Variants in SDR42E2 observed in about 807,000 individuals in gnomAD.
The protein encoded by SDR42E2 is short chain dehydrogenase/reductase family 42E, member 2, also known as putative short-chain dehydrogenase/reductase family 42E member 2.
SDR42E2 carries 20 observed loss-of-function variants against 10.5 expected under a neutral mutation model. The ratio of observed to expected loss-of-function variants is 1.90; its 90% CI spans 1.34 to 2.77. The LOEUF is 2.77. Ranked by LOEUF, SDR42E2 falls within the 30% of genes most tolerant of loss-of-function variation. SDR42E2 has a pLI of 0.00. For synonymous variants in SDR42E2, 72 were observed against 39.2 expected, an observed-to-expected ratio of 1.84 and a Z score of -3.12; for missense variants, 162 against 104.2, an observed-to-expected ratio of 1.55 and a Z score of -2.42.
intron 2 of SDR42E2, among the ~76,000 whole-genome samples, chr16:22,165,959 T>C (rs1322757216): frequency 6.7e-6 from 1 of 148,578 alleles, no homozygotes; most frequent in Admixed American, 6.7e-5. Context: ...GCTGGGTCCG[T>C]ACCTGGGCCA....
rs1290154764 is a variant in SDR42E2, at chr16:22,190,724, G to T, written c.*331G>T. On this transcript the variant is annotated 3_prime_UTR_variant, in exon 13 of 13. Transcript: ENST00000602312. ...CCACGTCCCTGGTCGGCCCAGACGC[G>T]TAGCCCCGAGTCTCTTTCCATGTTT... is the stretch of plus-strand genomic sequence containing the variant. 6.8e-6 allele frequency: 2 copies of T among 292,834 alleles called. No individual in the cohort carries two copies. Among genetic ancestry groups the T allele is most frequent in the Non-Finnish European group, 1.2e-5 (2 of 160,422 alleles). 18.1% of individuals were successfully genotyped at this position (292,834 alleles called of 1,614,324 possible). A position where few individuals can be genotyped will look rare whatever the true frequency, so the allele number is the denominator to read the frequency against.
At chr16:22,174,813 A>G (rs887363189) in intron 7 of SDR42E2, among the ~76,000 whole-genome samples, 28 of 152,152 alleles carry the variant, frequency 1.8e-4, no homozygotes, top group African/African-American at 6.3e-4. Flanking sequence ...TAGCTGTTCA[A>G]TGCCCCGCCT....
intron 2 of SDR42E2, among the ~76,000 whole-genome samples, chr16:22,165,886 G>C (rs112574514): frequency 6.6e-6 from 1 of 151,980 alleles, no homozygotes; most frequent in Non-Finnish European, 1.5e-5. Flanking sequence ...AGCTGGGTCC[G>C]TACCTGGTCT....
Position 22,170,848 on chromosome 16 carries a change from G to A in SDR42E2, c.410G>A (p.Arg137Gln), listed in dbSNP as rs1368188669. ...GCTGCTGCAGTCTGTGTTCGCCGGCGGGTTCCAAGGCTCATCTATACCAGC... is the reference window on the plus strand; with the variant it reads ...GCTGCTGCAGTCTGTGTTCGCCGGCAGGTTCCAAGGCTCATCTATACCAGC... ...KLVIDVCVRRRVPRLIYTSTV... is the reference protein window; with the variant it reads ...KLVIDVCVRRQVPRLIYTSTV... The change falls in exon 6 of 13, where the codon CGG (arginine) becomes CAG (glutamine). Residue 137 changes from arginine to glutamine, a missense_variant. Physicochemically the swap from Arg to Gln is conservative, Grantham distance 43 (BLOSUM62 1). Transcript: ENST00000602312. 2.6e-5 allele frequency: 18 copies of A among 702,836 alleles called. No individual in the cohort carries two copies. Among genetic ancestry groups the A allele is most frequent in the Admixed American group, 6.0e-5 (3 of 49,972 alleles). The allele number at this position is 702,836 out of a possible 1,614,324, so 43.5% of individuals were successfully genotyped here.
At chr16:22,169,099 A>G (rs2046570881) in intron 4 of SDR42E2, among the ~76,000 whole-genome samples, 1 of 152,110 alleles carries the variant, frequency 6.6e-6, no homozygotes, top group African/African-American at 2.4e-5. Flanking sequence ...AGGCTTTGAG[A>G]GTAGGAAAAT....
chr16:22,187,148 A>T (rs138202366), intron 12 of SDR42E2, among the ~76,000 whole-genome samples: 4 of 152,134 alleles, frequency 2.6e-5, no homozygotes, highest in Admixed American at 6.5e-5. Context: ...TACCAATCCC[A>T]CCAACTCTCA....
chr16:22,184,665 G>A (rs1487588923), intron 11 of SDR42E2, among the ~76,000 whole-genome samples: 1 of 152,156 alleles, frequency 6.6e-6, no homozygotes, highest in Non-Finnish European at 1.5e-5. Flanking sequence ...AGGACAGTGA[G>A]GCACTGTGGT....
intron 5 of SDR42E2, among the ~76,000 whole-genome samples, chr16:22,170,178 G>C (rs1328591205): frequency 6.6e-6 from 1 of 151,536 alleles, no homozygotes; most frequent in Non-Finnish European, 1.5e-5. Context: ...AACACGAAGA[G>C]ATCCCATCTC....
At position 22,170,840 on chromosome 16, in the gene SDR42E2, T is replaced by C. The variant is rs1598132615; in HGVS notation, c.402T>C (p.Val134=). ...GGTKLVIDVC[V]RRRVPRLIYT... ...GTGCACCTGCTGCTGCAGTCTGTGT[T>C]CGCCGGCGGGTTCCAAGGCTCATCT... is the stretch of plus-strand genomic sequence containing the variant. Residue 134 remains valine, a synonymous_variant, in exon 6 of 13, where the codon GTT becomes GTC. Coordinates refer to ENST00000602312, the MANE Select transcript of SDR42E2 (RefSeq NM_001394319.2). 2 of 703,008 alleles carry C rather than the reference T, an allele frequency of 2.8e-6. No homozygotes were observed. The highest frequency in any genetic ancestry group is 2.7e-5 in the East Asian group (1 of 37,296). The allele number at this position is 703,008 out of a possible 1,614,324, so 43.5% of individuals were successfully genotyped here.
intron 6 of SDR42E2, among the ~76,000 whole-genome samples, chr16:22,171,282 C>T (rs1431799433): frequency 2.0e-5 from 3 of 152,148 alleles, no homozygotes; most frequent in Non-Finnish European, 4.4e-5. Context: ...CACCCTGTCC[C>T]CAGGCTGGAG....
intron 3 of SDR42E2, 32 bp from the exon 4 acceptor site, chr16:22,166,872 C>T (rs2046545030): frequency 3.2e-6 from 2 of 621,262 alleles, no homozygotes; most frequent in African/African-American, 3.6e-5. Flanking sequence ...GACTTGAACC[C>T]CCTGCCCTCA....
intron 3 of SDR42E2, 30 bp from the exon 4 acceptor site, chr16:22,166,874 C>T (rs2142059262): frequency 1.6e-6 from 1 of 624,014 alleles, no homozygotes; most frequent in South Asian, 1.7e-5. Flanking sequence ...CTTGAACCCC[C>T]TGCCCTCATC....
intron 8 of SDR42E2, 67 bp from the exon 9 acceptor site, chr16:22,181,452 A>G: frequency 1.4e-6 from 1 of 700,694 alleles, no homozygotes; most frequent in South Asian, 1.5e-5. Flanking sequence ...GGGAGTCATC[A>G]GCATCTAGAC....
chr16:22,167,070 C>A, intron 4 of SDR42E2, 71 bp downstream of exon 4: 1 of 654,470 alleles, frequency 1.5e-6, no homozygotes, highest in Middle Eastern at 2.4e-4. Flanking sequence ...CCCTCACACC[C>A]ATGCATTCCC....
intron 4 of SDR42E2, among the ~76,000 whole-genome samples, chr16:22,168,589 T>C (rs987789087): frequency 2.0e-5 from 3 of 151,808 alleles, no homozygotes; most frequent in Non-Finnish European, 4.4e-5. Context: ...AGAATAAATA[T>C]AGGCTGGAAG....
chr16:22,183,689 C>A (rs2046714475), intron 10 of SDR42E2, among the ~76,000 whole-genome samples: 1 of 152,228 alleles, frequency 6.6e-6, no homozygotes, highest in South Asian at 2.1e-4. Context: ...TCCTACCACC[C>A]TCCACAGAAA....
rs187064802 is a variant in SDR42E2 at position 22,185,115 on chromosome 16, G to A, written c.940+871G>A. Among the ~76,000 whole-genome samples the A allele has an allele frequency of 3.9e-5, 6 of 152,090 alleles. No homozygotes were observed. The East Asian group carries it at 5.8e-4, about 15-fold the overall frequency. ...AGTCTCTGCTCCCACCTCCACCCCC[G>A]ACAATGCGTCTTGGCTGCTCCCCTT... On this transcript the variant is annotated intron_variant, in intron 11 of 12. Coordinates refer to ENST00000602312, the MANE Select transcript of SDR42E2 (RefSeq NM_001394319.2).
Position 22,172,626 on chromosome 16 carries a change from A to G in SDR42E2, c.589+295A>G, listed in dbSNP as rs139789509. Among the ~76,000 whole-genome samples, 48 of 152,312 alleles carry G rather than the reference A, an allele frequency of 3.2e-4. No homozygotes were observed. The East Asian group carries it at 5.4e-3, about 17-fold the overall frequency. The stretch of plus-strand genomic sequence containing the variant: ...CAAGTCTCTCTCTTTTCTCCTGCAC[A>G]GGAGTTGATCCAGTTTTAGGGGCCC... On this transcript the variant is annotated intron_variant, in intron 7 of 12. Transcript: ENST00000602312.
intron 8 of SDR42E2, among the ~76,000 whole-genome samples, chr16:22,179,364 TATTC>T (rs1266160074): frequency 6.6e-6 from 1 of 152,166 alleles, no homozygotes. Flanking sequence ...CCCATTCATT[TATTC>T]ATTCATTCAA....
Sources: gnomAD v4.1 joint callset for allele counts (sites outside exome capture counted in the v4.1 genomes callset) on GRCh38, gnomAD v4.1.1 for gene constraint, MANE v1.5 for transcripts, NCBI Gene and HGNC (gene_info 2026-07-23, HGNC 2026-07-21) for gene names.